The following ACTN1 variants were observed in gnomAD, a reference collection of about 807,000 sequenced individuals.
ACTN1 encodes the protein alpha-actinin-1.
ACTN1 carries 30 observed loss-of-function variants against 119.6 expected under a neutral mutation model. That is an observed-to-expected ratio of 0.25 (90% CI 0.19 to 0.34). The LOEUF (loss-of-function observed/expected upper bound fraction) is 0.34. ACTN1 is among the 10% of genes least tolerant of loss of function. The pLI is 1.00. For synonymous variants in ACTN1, 429 were observed against 472.6 expected (o/e 0.91, Z 1.20); for missense variants, 764 against 1,223.4 (o/e 0.62, Z 5.60).
intron 3 of ACTN1, among the ~76,000 whole-genome samples, chr14:68,914,759 A>C (rs1157582797): frequency 6.6e-6 from 1 of 152,194 alleles, no homozygotes; most frequent in Non-Finnish European, 1.5e-5. Flanking sequence ...CGACAAGTTG[A>C]GACCCTGTCT....
At chr14:68,966,013 T>C (rs765508337) in intron 1 of ACTN1, among the ~76,000 whole-genome samples, 2 of 151,488 alleles carry the variant, frequency 1.3e-5, no homozygotes, top group Non-Finnish European at 2.9e-5. Flanking sequence ...AGCCCAGGAG[T>C]TTGAGACCAG....
At position 68,885,347 on chromosome 14, in the gene ACTN1, AC is replaced by A. The variant is rs1443752877; in HGVS notation, c.1385+77del. 1.3e-5 allele frequency: 19 copies of A among 1,454,472 alleles called. No individual in the cohort carries two copies. Among genetic ancestry groups the A allele is most frequent in the Admixed American group, 2.1e-5 (1 of 48,282 alleles). 90.1% of individuals were successfully genotyped at this position (1,454,472 alleles called of 1,614,324 possible). On this transcript the variant is annotated intron_variant, in intron 12 of 21. Coordinates refer to ENST00000394419, the MANE Select transcript of ACTN1 (RefSeq NM_001130004.2). This position sits in a 1 kb window ranked among gnomAD's most constrained non-coding sequence, Gnocchi z 5.6. Reference sequence around the variant, plus strand: ...CACCCTCCCCATCTTCCACGGCCACACCCCCACCTCCCCCAGCAGCTGAGAA... The same window carrying A: ...CACCCTCCCCATCTTCCACGGCCACACCCCACCTCCCCCAGCAGCTGAGAA...
intron 9 of ACTN1, among the ~76,000 whole-genome samples, chr14:68,892,670 C>T (rs1237624691): frequency 6.6e-6 from 1 of 152,174 alleles, no homozygotes; most frequent in East Asian, 1.9e-4. Flanking sequence ...AGGGGGTTAA[C>T]AGCTATTTCC....
chr14:68,975,714 T>C (rs1384832366), intron 1 of ACTN1, among the ~76,000 whole-genome samples: 1 of 152,170 alleles, frequency 6.6e-6, no homozygotes, highest in Non-Finnish European at 1.5e-5. Context: ...CCTGGAAAAG[T>C]AGAGGAAATG....
At chr14:68,917,002 A>G (rs1327052150) in intron 3 of ACTN1, among the ~76,000 whole-genome samples, 1 of 152,080 alleles carries the variant, frequency 6.6e-6, no homozygotes, top group Non-Finnish European at 1.5e-5. Context: ...CTAAAGATAC[A>G]TGCTACCTCA....
chr14:68,968,130 C>T (rs576685909), intron 1 of ACTN1, among the ~76,000 whole-genome samples: 3 of 152,282 alleles, frequency 2.0e-5, no homozygotes, highest in Admixed American at 6.5e-5. Context: ...CCCATAGGTA[C>T]GGACACCAGA....
chr14:68,904,081 G>A (rs1471025975), intron 7 of ACTN1, among the ~76,000 whole-genome samples: 2 of 152,028 alleles, frequency 1.3e-5, no homozygotes, highest in Non-Finnish European at 2.9e-5. Flanking sequence ...CCTCTGGCTG[G>A]GATCTTCCCA....
chr14:68,912,019 T>C (rs545252617), intron 4 of ACTN1, 137 bp downstream of exon 4: 28 of 697,518 alleles, frequency 4.0e-5, no homozygotes, highest in Middle Eastern at 5.0e-4. Flanking sequence ...AGAAGGCTGA[T>C]GCCCAATAAA....
intron 1 of ACTN1, among the ~76,000 whole-genome samples, chr14:68,952,981 T>C (rs887447981): frequency 3.3e-5 from 5 of 152,052 alleles, no homozygotes; most frequent in African/African-American, 1.2e-4. Flanking sequence ...AAGGGTTTCC[T>C]GAGAGGGTCG....
At chr14:68,893,271 T>G (rs2032634603) in intron 9 of ACTN1, among the ~76,000 whole-genome samples, 1 of 152,116 alleles carries the variant, frequency 6.6e-6, no homozygotes, top group Non-Finnish European at 1.5e-5. Flanking sequence ...CGGCACTAAT[T>G]TACCGAAAAC....
chr14:68,894,590 T>C (rs185566791), intron 8 of ACTN1, among the ~76,000 whole-genome samples: 1 of 152,192 alleles, frequency 6.6e-6, no homozygotes, highest in Admixed American at 6.5e-5. Flanking sequence ...CCACTTCAAA[T>C]AGGTGGTTTT....
chr14:68,978,882 C>CG (rs1223026478), intron 1 of ACTN1, 70 bp downstream of exon 1: 1 of 959,408 alleles, frequency 1.0e-6, no homozygotes, highest in Non-Finnish European at 1.5e-6. Context: ...GCCGAGAGCC[C>CG]GGCAGGCAGA....
At chr14:68,961,288 A>G (rs926337512) in intron 1 of ACTN1, among the ~76,000 whole-genome samples, 1 of 152,246 alleles carries the variant, frequency 6.6e-6, no homozygotes, top group Non-Finnish European at 1.5e-5. Flanking sequence ...ATAAAAAAGC[A>G]GAGCTAATTT....
At position 68,884,182 on chromosome 14, in the gene ACTN1, T is replaced by C. The variant is rs564548170; in HGVS notation, c.1621A>G (p.Ile541Val). The change falls in exon 14 of 22, where the codon ATT becomes GTT. Residue 541 changes from isoleucine (I) to valine (V), a missense_variant. Around this residue, in one of 4 missense-constraint regions of ACTN1, gnomAD observed 544 missense variants for 912.0 expected, o/e 0.60. Transcript: ENST00000394419. ...GTGGGGCTCACCTGGATCTCCTCAA[T>C]GGTGTGCACAATGAAGGTGTCCTGC... Reference protein sequence around the residue: ...DLQDTFIVHTIEEIQGLTTAH... With the variant: ...DLQDTFIVHTVEEIQGLTTAH... 2 of 1,613,696 alleles carry C rather than the reference T, an allele frequency of 1.2e-6. No homozygotes were observed. The highest frequency in any genetic ancestry group is 4.5e-5 in the East Asian group (2 of 44,870).
At chr14:68,877,642 C>T (rs1388537859) in intron 20 of ACTN1, 2 of 166,234 alleles carry the variant, frequency 1.2e-5, no homozygotes, top group Admixed American at 1.2e-4. Context: ...AATCTGAAGC[C>T]CAGACAGGCT....
Position 68,884,893 on chromosome 14 carries a change from G to A in ACTN1, c.1386-10C>T. On this transcript the variant is annotated splice_polypyrimidine_tract_variant and intron_variant, in intron 12 of 21. Transcript: ENST00000394419. The stretch of plus-strand genomic sequence containing the variant: ...ATAATAGTCCAGCTCACTGGGGAGG[G>A]AAGAGACAAGGAAGTCAGGGGACCC... 2 of 1,603,950 alleles carry A rather than the reference G, an allele frequency of 1.2e-6. No homozygotes were observed. Among genetic ancestry groups the A allele is most frequent in the South Asian group, 2.2e-5 (2 of 90,870 alleles).
At chr14:68,956,317 A>G (rs1260709003) in intron 1 of ACTN1, among the ~76,000 whole-genome samples, 5 of 152,208 alleles carry the variant, frequency 3.3e-5, no homozygotes, top group African/African-American at 1.2e-4. Flanking sequence ...ATAAAAAGTG[A>G]AAAACATTAA....
In ACTN1 at chr14:68,978,996, G is replaced by GGTCCCA. The variant is rs1214247968; in HGVS notation, c.55_60dup (p.Trp19_Asp20dup). 6.2e-7 allele frequency: 1 copy of GGTCCCA among 1,602,912 alleles called. No individual in the cohort carries two copies. Among genetic ancestry groups the GGTCCCA allele is most frequent in the Non-Finnish European group, 8.5e-7 (1 of 1,174,460 alleles). On this transcript the variant is annotated inframe_insertion, in exon 1 of 22. Transcript: ENST00000394419. Reference sequence around the variant, plus strand: ...CAGGCCGGGTCCAGGAGCAGGTCCCGGTCCCAGTCCTCTTCTGGCTGCATG... The same window carrying GGTCCCA: ...CAGGCCGGGTCCAGGAGCAGGTCCCGGTCCCAGTCCCAGTCCTCTTCTGGCTGCATG...
chr14:68,928,391 T>G (rs1033418689), intron 1 of ACTN1, among the ~76,000 whole-genome samples: 1 of 152,086 alleles, frequency 6.6e-6, no homozygotes, highest in African/African-American at 2.4e-5. Flanking sequence ...GATTACTGCC[T>G]TGAAGGGGGC....
Sources: allele counts gnomAD v4.1 joint callset (sites outside exome capture counted in the v4.1 genomes callset), GRCh38; gene constraint gnomAD v4.1.1; regional missense constraint gnomAD v4.1.1; non-coding constraint Gnocchi (gnomAD v3.1); transcripts MANE v1.5; gene names NCBI Gene and HGNC (gene_info 2026-07-23, HGNC 2026-07-21).